Variants in CCDC192 observed in about 807,000 individuals in gnomAD.
CCDC192 encodes coiled-coil domain-containing protein 192.
chr5:127,808,308 C>T (rs1228913835), intron 5 of CCDC192, among the ~76,000 whole-genome samples: 1 of 151,816 alleles, frequency 6.6e-6, no homozygotes, highest in Non-Finnish European at 1.5e-5. Flanking sequence ...ATTTTAGTGG[C>T]TTCTCACTTA....
intron 3 of CCDC192, among the ~76,000 whole-genome samples, chr5:127,758,957 A>C (rs1432612865): frequency 6.6e-6 from 1 of 152,190 alleles, no homozygotes; most frequent in African/African-American, 2.4e-5. Context: ...CTGGATCCAG[A>C]TGCATGCCAA....
Position 127,735,995 on chromosome 5 carries a change from C to T in CCDC192, c.115-18273C>T, listed in dbSNP as rs1003104861. On this transcript the variant is annotated intron_variant, in intron 2 of 6. Transcript: ENST00000514853. ...ATAGGAGTGGTGAGAGAGGGCATCCCTGTCTTGTCCCAGTTTTCAAAGGGA... is the reference window on the plus strand; with the variant it reads ...ATAGGAGTGGTGAGAGAGGGCATCCTTGTCTTGTCCCAGTTTTCAAAGGGA... Among the ~76,000 whole-genome samples, 60 of 114,940 alleles carry T rather than the reference C, an allele frequency of 5.2e-4. 2 individuals carry two copies. Among genetic ancestry groups the T allele is most frequent in the African/African-American group, 1.7e-3 (45 of 26,796 alleles). 75.4% of individuals were successfully genotyped at this position (114,940 alleles called of 152,430 possible). A position where few individuals can be genotyped will look rare whatever the true frequency, so the allele number is the denominator to read the frequency against.
intron 3 of CCDC192, among the ~76,000 whole-genome samples, chr5:127,772,404 T>C (rs545483205): frequency 3.0e-4 from 45 of 151,430 alleles, no homozygotes; most frequent in African/African-American, 1.1e-3. Flanking sequence ...GGTGCGGACG[T>C]TGAGGTGAGC....
chr5:127,753,823 T>A (rs1315568414), intron 2 of CCDC192, among the ~76,000 whole-genome samples: 3 of 152,160 alleles, frequency 2.0e-5, no homozygotes, highest in African/African-American at 7.2e-5. Flanking sequence ...TAATGACATA[T>A]GCTAAGAAGG....
chr5:127,775,513 T>C (rs1755806596), intron 3 of CCDC192, among the ~76,000 whole-genome samples: 1 of 152,244 alleles, frequency 6.6e-6, no homozygotes, highest in Non-Finnish European at 1.5e-5. Flanking sequence ...TGTAGCATGC[T>C]ACCTCCTCTT....
In CCDC192 at chr5:127,754,970, G is replaced by A. The variant is rs1424395607; in HGVS notation, c.222+595G>A. On this transcript the variant is annotated intron_variant, in intron 3 of 6. Transcript: ENST00000514853. ...CATGATTTCAGAGACAGTGGCTGTG[G>A]GTATAAGTAAAGCTCAGACCAGGGC... Among the ~76,000 whole-genome samples, 5 of 152,232 alleles carry A rather than the reference G, an allele frequency of 3.3e-5. No individual in the cohort carries two copies. The South Asian group carries it at 1.0e-3, about 32-fold the overall frequency.
intron 6 of CCDC192, among the ~76,000 whole-genome samples, chr5:127,893,544 A>C (rs1168155243): frequency 6.6e-6 from 1 of 152,160 alleles, no homozygotes; most frequent in Non-Finnish European, 1.5e-5. Context: ...GAAGGGGAGG[A>C]GTTATTACAC....
chr5:127,761,810 G>C (rs766527628), intron 3 of CCDC192, among the ~76,000 whole-genome samples: 2 of 151,922 alleles, frequency 1.3e-5, no homozygotes, highest in African/African-American at 4.8e-5. Flanking sequence ...AACAAACAAC[G>C]CCCCACCAAA....
At chr5:127,707,094 G>A (rs1318264073) in intron 1 of CCDC192, among the ~76,000 whole-genome samples, 3 of 152,192 alleles carry the variant, frequency 2.0e-5, no homozygotes, top group Non-Finnish European at 1.5e-5. Flanking sequence ...AGTTTCTGTG[G>A]AGTGGTACTA....
chr5:127,804,817 G>C (rs190024998), intron 5 of CCDC192, among the ~76,000 whole-genome samples: 35 of 152,274 alleles, frequency 2.3e-4, no homozygotes, highest in Non-Finnish European at 3.7e-4. Flanking sequence ...TGATTGTGAT[G>C]GTGGTAAAAT....
At chr5:127,872,346 A>T (rs1454121645) in intron 5 of CCDC192, among the ~76,000 whole-genome samples, 2 of 152,188 alleles carry the variant, frequency 1.3e-5, no homozygotes, top group Non-Finnish European at 2.9e-5. Context: ...ATTCTAAGGG[A>T]CGCACAGGCT....
At chr5:127,759,164 G>A (rs1754774423) in intron 3 of CCDC192, among the ~76,000 whole-genome samples, 1 of 152,190 alleles carries the variant, frequency 6.6e-6, no homozygotes, top group African/African-American at 2.4e-5. Context: ...TCTTATCTAG[G>A]AGGGTGTAAA....
At chr5:127,751,528 C>G (rs1179905057) in intron 2 of CCDC192, among the ~76,000 whole-genome samples, 2 of 152,158 alleles carry the variant, frequency 1.3e-5, no homozygotes, top group Non-Finnish European at 2.9e-5. Flanking sequence ...CGTGACCTTT[C>G]TCTCTGGCTG....
chr5:127,844,791 GGTGCCA>G (rs1022317996), intron 5 of CCDC192, among the ~76,000 whole-genome samples: 1 of 152,128 alleles, frequency 6.6e-6, no homozygotes, highest in African/African-American at 2.4e-5. Flanking sequence ...CGTACCATGT[GGTGCCA>G]GCAATATTCT....
intron 5 of CCDC192, among the ~76,000 whole-genome samples, chr5:127,872,708 C>T (rs1475604435): frequency 6.6e-6 from 1 of 152,158 alleles, no homozygotes; most frequent in Non-Finnish European, 1.5e-5. Context: ...CATCTGCCTC[C>T]TCATGGTTTC....
At chr5:127,721,661 A>G (rs1014471214) in intron 2 of CCDC192, among the ~76,000 whole-genome samples, 3 of 152,174 alleles carry the variant, frequency 2.0e-5, no homozygotes, top group Non-Finnish European at 4.4e-5. Flanking sequence ...GCATTAGTCC[A>G]TTCTCAAATT....
intron 2 of CCDC192, among the ~76,000 whole-genome samples, chr5:127,737,036 G>A (rs369592898): frequency 6.6e-6 from 1 of 150,630 alleles, no homozygotes; most frequent in Non-Finnish European, 1.5e-5. Context: ...TGTCAATTTT[G>A]GATCTTTCCT....
At chr5:127,871,643 G>A (rs1439008672) in intron 5 of CCDC192, among the ~76,000 whole-genome samples, 2 of 152,014 alleles carry the variant, frequency 1.3e-5, no homozygotes, top group Admixed American at 6.5e-5. Context: ...TAATTGCCAC[G>A]GTTTAAAGTA....
chr5:127,827,240 T>C (rs1344948058), intron 5 of CCDC192, among the ~76,000 whole-genome samples: 1 of 152,196 alleles, frequency 6.6e-6, no homozygotes, highest in East Asian at 1.9e-4. Flanking sequence ...TTGTCCTTCA[T>C]TGATCTGAGG....
Sources: allele counts gnomAD v4.1 joint callset (sites outside exome capture counted in the v4.1 genomes callset), GRCh38; gene constraint gnomAD v4.1.1; transcripts MANE v1.5; gene names NCBI Gene and HGNC (gene_info 2026-07-23, HGNC 2026-07-21).